OPHN1: variants seen among roughly 807,000 people sequenced by gnomAD.
The protein encoded by OPHN1 is oligophrenin 1, also known as oligophrenin-1.
A neutral mutation model predicts 60.7 loss-of-function variants in OPHN1; 11 were observed. That is an observed-to-expected ratio of 0.18 (90% CI 0.11 to 0.30). OPHN1 has a LOEUF of 0.30. Ranked by LOEUF, OPHN1 falls within the 10% of genes least tolerant of loss-of-function variation. OPHN1 has a pLI of 1.00. For missense variants in OPHN1, 449 were observed against 611.0 expected (o/e 0.73, Z 2.80); for synonymous variants, 226 against 222.6 (o/e 1.02, Z -0.14).
At chrX:68,164,885 C>G (rs991564093) in intron 15 of OPHN1, among the ~76,000 whole-genome samples, 2 of 112,417 alleles carry the variant, frequency 1.8e-5, no homozygotes, top group Admixed American at 9.4e-5. Flanking sequence ...ACCTTCTAGA[C>G]AACATGCATC....
intron 9 of OPHN1, among the ~76,000 whole-genome samples, chrX:68,207,783 A>G (rs967277664): frequency 9.0e-6 from 1 of 111,242 alleles, no homozygotes; most frequent in African/African-American, 3.3e-5. Flanking sequence ...GTTCCCACAT[A>G]AAGAGGTAGC....
chrX:68,327,793 AAAAT>A (rs2078271709), intron 2 of OPHN1, among the ~76,000 whole-genome samples: 2 of 80,553 alleles, frequency 2.5e-5, no homozygotes, highest in Non-Finnish European at 4.2e-5. Flanking sequence ...AAAAATAAAA[AAAAT>A]AAAAAAAAAA....
At chrX:68,165,491 T>C (rs1222973561) in intron 15 of OPHN1, among the ~76,000 whole-genome samples, 1 of 111,195 alleles carries the variant, frequency 9.0e-6, no homozygotes, top group Admixed American at 9.7e-5. Context: ...GCACAACATT[T>C]ACAGATTAAG....
At chrX:68,354,872 C>A (rs2078432839) in intron 2 of OPHN1, among the ~76,000 whole-genome samples, 1 of 111,897 alleles carries the variant, frequency 8.9e-6, no homozygotes, top group Non-Finnish European at 1.9e-5. Flanking sequence ...TCTGCTCATC[C>A]CTAATTATTT....
chrX:68,231,345 G>A (rs1031035979), intron 6 of OPHN1, among the ~76,000 whole-genome samples: 9 of 111,922 alleles, frequency 8.0e-5, no homozygotes, highest in Admixed American at 6.7e-4. Context: ...ATCATTCATT[G>A]TTCATGGAAA....
At chrX:68,128,218 T>C (rs1209777671) in intron 15 of OPHN1, among the ~76,000 whole-genome samples, 1 of 109,928 alleles carries the variant, frequency 9.1e-6, no homozygotes, top group Non-Finnish European at 1.9e-5. Flanking sequence ...CCCAGCAATT[T>C]TTGTATTTTT....
chrX:68,287,087 G>A (rs1417645997), intron 3 of OPHN1, among the ~76,000 whole-genome samples: 1 of 90,311 alleles, frequency 1.1e-5, no homozygotes, highest in Non-Finnish European at 2.1e-5. Context: ...AAGGAAGGAA[G>A]GAGAAAGAAA....
chrX:68,071,579 G>T lies in OPHN1; in HGVS notation c.1834+1573C>A. On this transcript the variant is annotated intron_variant, in intron 20 of 24. Coordinates refer to ENST00000355520, the MANE Select transcript of OPHN1 (RefSeq NM_002547.3). Reference sequence around the variant, plus strand: ...TAGGGACACCATCAGGCTGGCCTAGGTGGCTCATAAGGACTACTGACTTGG... The same window carrying T: ...TAGGGACACCATCAGGCTGGCCTAGTTGGCTCATAAGGACTACTGACTTGG... 5.1e-6 allele frequency: 3 copies of T among 583,266 alleles called. No homozygotes were observed. In the African/African-American group the frequency reaches 6.6e-5, roughly 13 times the overall value. 48.1% of individuals were successfully genotyped at this position (583,266 alleles called of 1,213,427 possible).
chrX:68,391,056 T>C (rs1166586933), intron 2 of OPHN1, among the ~76,000 whole-genome samples: 1 of 111,128 alleles, frequency 9.0e-6, no homozygotes, highest in Non-Finnish European at 1.9e-5. Flanking sequence ...TCATCTTCTC[T>C]CTATCTGACC....
intron 5 of OPHN1, among the ~76,000 whole-genome samples, chrX:68,265,616 A>T (rs2077920043): frequency 8.9e-6 from 1 of 111,969 alleles, no homozygotes; most frequent in African/African-American, 3.2e-5. Context: ...TAAAACTCAG[A>T]GCACCTCTCC....
Position 68,187,874 on chromosome X carries a change from G to A in OPHN1, c.1276+5045C>T, listed in dbSNP as rs762719860. ...GATCTCCTGACCTCGTGATCCGCCC[G>A]CCTTGGCCTCCCAAAGTGCGGGGAT... On this transcript the variant is annotated intron_variant, in intron 15 of 24. Transcript: ENST00000355520. 1.2e-3 allele frequency among the ~76,000 whole-genome samples: 131 copies of A among 111,975 alleles called. 1 individual carries two copies. The highest frequency in any genetic ancestry group is 9.3e-3 in the Middle Eastern group (2 of 216).
At chrX:68,269,724 C>T (rs1386079021) in intron 5 of OPHN1, among the ~76,000 whole-genome samples, 1 of 111,586 alleles carries the variant, frequency 9.0e-6, no homozygotes, top group Non-Finnish European at 1.9e-5. Flanking sequence ...CAACAAAAGC[C>T]AAAATTGACA....
intron 15 of OPHN1, among the ~76,000 whole-genome samples, chrX:68,124,763 A>C (rs2077163220): frequency 9.0e-6 from 1 of 110,510 alleles, no homozygotes; most frequent in African/African-American, 3.3e-5. Context: ...CTCCCATCTC[A>C]GCCCCCACTA....
intron 6 of OPHN1, among the ~76,000 whole-genome samples, chrX:68,224,744 A>G (rs911206067): frequency 8.9e-5 from 10 of 112,446 alleles, no homozygotes; most frequent in African/African-American, 3.2e-4. Context: ...ATTAAAGAAG[A>G]TATCGACTGA....
At chrX:68,142,825 A>T (rs983758267) in intron 15 of OPHN1, among the ~76,000 whole-genome samples, 6 of 112,185 alleles carry the variant, frequency 5.3e-5, no homozygotes, top group African/African-American at 1.9e-4. Context: ...TCTATAAAGA[A>T]TAAGTGGTCA....
chrX:68,069,500 G>A (rs1241873451), intron 20 of OPHN1, among the ~76,000 whole-genome samples: 1 of 111,314 alleles, frequency 9.0e-6, no homozygotes, highest in East Asian at 2.8e-4. Context: ...CTTAACCTAA[G>A]TGATAATCTC....
chrX:68,071,024 T>C, intron 20 of OPHN1: 7 of 1,123,413 alleles, frequency 6.2e-6, no homozygotes, highest in South Asian at 5.5e-5. Flanking sequence ...CCAGTCTCCA[T>C]GTTGTTGAGC....
chrX:68,253,476 C>A (rs185254253), intron 5 of OPHN1, among the ~76,000 whole-genome samples: 6 of 111,407 alleles, frequency 5.4e-5, no homozygotes, highest in Non-Finnish European at 9.4e-5. Flanking sequence ...GGTTCTGATC[C>A]CATCTCCCCT....
chrX:68,268,119 A>G (rs964569105), intron 5 of OPHN1, among the ~76,000 whole-genome samples: 1 of 111,422 alleles, frequency 9.0e-6, no homozygotes, highest in Non-Finnish European at 1.9e-5. Flanking sequence ...TACAGAATAC[A>G]GAGGTACAGA....
Sources: allele counts gnomAD v4.1 joint callset (sites outside exome capture counted in the v4.1 genomes callset), GRCh38; gene constraint gnomAD v4.1.1; transcripts MANE v1.5; gene names NCBI Gene and HGNC (gene_info 2026-07-23, HGNC 2026-07-21).